Variants in USP43 observed in about 807,000 individuals in gnomAD.
USP43 encodes ubiquitin carboxyl-terminal hydrolase 43.
In USP43, 33 loss-of-function variants were observed where a neutral mutation model predicts 90.7. That is an observed-to-expected ratio of 0.36 (90% confidence interval 0.28 to 0.49). The LOEUF is 0.49. Ranked by LOEUF, USP43 falls within the 20% of genes least tolerant of loss-of-function variation. The probability of loss-of-function intolerance (pLI) is 0.98; values close to 1 mark genes in which losing one functional copy is unlikely to be tolerated. For missense variants in USP43, 1,274 were observed against 1,476.4 expected (o/e 0.86, Z 2.25); for synonymous variants, 598 against 615.8 (o/e 0.97, Z 0.43).
intron 14 of USP43, among the ~76,000 whole-genome samples, chr17:9,718,900 ATGTTT>A (rs147763328): frequency 0.049 from 7,414 of 152,000 alleles, 273 homozygotes; most frequent in East Asian, 0.2. Context: ...TTCATGCAGT[ATGTTT>A]TGTTTTGACT....
In USP43 at chr17:9,674,578, C is replaced by T. The variant is rs1913643698; in HGVS notation, c.741-313C>T. Among the ~76,000 whole-genome samples, 1 of 152,150 alleles carries T rather than the reference C, an allele frequency of 6.6e-6. No homozygotes were observed. The highest frequency in any genetic ancestry group is 2.4e-5 in the African/African-American group (1 of 41,420). On this transcript the variant is annotated intron_variant, in intron 3 of 14. Transcript: ENST00000285199. The surrounding 1 kb of genome is among the most constrained non-coding windows in gnomAD (Gnocchi z 4.4). ...TAGCGTGCTGTTTTCAAGGTTCATC[C>T]ACGTTGTAGTATGGACCAGGGGTTC...
intron 12 of USP43, among the ~76,000 whole-genome samples, chr17:9,707,898 C>A (rs990576421): frequency 6.6e-6 from 1 of 152,184 alleles, no homozygotes; most frequent in Admixed American, 6.5e-5. Flanking sequence ...GGACTTCAGT[C>A]TCACTTTGGA....
intron 1 of USP43, among the ~76,000 whole-genome samples, chr17:9,654,462 C>T (rs1371140047): frequency 6.6e-6 from 1 of 151,926 alleles, no homozygotes; most frequent in East Asian, 2.0e-4. Flanking sequence ...TCAGCCTGGA[C>T]AACATGGTGA....
intron 6 of USP43, among the ~76,000 whole-genome samples, chr17:9,682,466 A>G (rs1365240191): frequency 6.6e-6 from 1 of 152,160 alleles, no homozygotes; most frequent in Non-Finnish European, 1.5e-5. Context: ...GCTACTGGAG[A>G]GGCTGAGACA....
intron 7 of USP43, among the ~76,000 whole-genome samples, chr17:9,684,983 G>A (rs1914517329): frequency 6.6e-6 from 1 of 152,110 alleles, no homozygotes; most frequent in Non-Finnish European, 1.5e-5. Context: ...TCTACTTCTG[G>A]AACTTTACCC....
At chr17:9,672,449 C>A (rs147794979) in intron 3 of USP43, among the ~76,000 whole-genome samples, 121 of 152,264 alleles carry the variant, frequency 7.9e-4, no homozygotes, top group African/African-American at 2.7e-3. Flanking sequence ...AAAAATGCAA[C>A]CCAGCATAGT....
At position 9,654,841 on chromosome 17, in the gene USP43, G is replaced by A. The variant is rs528366775; in HGVS notation, c.505-1562G>A. On this transcript the variant is annotated intron_variant, in intron 1 of 14. Coordinates refer to ENST00000285199, the MANE Select transcript of USP43 (RefSeq NM_153210.5). The stretch of plus-strand genomic sequence containing the variant: ...CAACCTCTACCTCCCGGGTTCAAGC[G>A]ATTCTCCTGCCTCAGTCTCCCAAGT... 4.0e-5 allele frequency among the ~76,000 whole-genome samples: 6 copies of A among 151,592 alleles called. 1 individual carries two copies. In the South Asian group the frequency reaches 6.3e-4, roughly 16 times the overall value.
chr17:9,696,322 C>T (rs536596152), intron 9 of USP43, among the ~76,000 whole-genome samples: 24 of 152,072 alleles, frequency 1.6e-4, no homozygotes, highest in African/African-American at 4.8e-4. Context: ...TTAGTATAAA[C>T]GGGGTTTCAC....
At chr17:9,704,746 AC>A (rs1166665280) in intron 12 of USP43, among the ~76,000 whole-genome samples, 1 of 148,270 alleles carries the variant, frequency 6.7e-6, no homozygotes, top group Non-Finnish European at 1.5e-5. Flanking sequence ...CCCTCTTCCT[AC>A]CCCCTGCAAC....
intron 14 of USP43, 137 bp from the exon 15 acceptor site, chr17:9,727,817 T>C: frequency 3.2e-6 from 3 of 930,742 alleles, no homozygotes; most frequent in South Asian, 3.6e-5. Context: ...GCAGGAACCC[T>C]ATGTGGCTTC....
chr17:9,721,754 G>A (rs558091507), intron 14 of USP43, among the ~76,000 whole-genome samples: 8 of 133,314 alleles, frequency 6.0e-5, no homozygotes, highest in East Asian at 2.3e-4. Context: ...ACCGAGTTTC[G>A]CTCTTGTTGC....
intron 13 of USP43, among the ~76,000 whole-genome samples, chr17:9,711,515 G>A (rs531567418): frequency 1.7e-4 from 26 of 152,006 alleles, no homozygotes; most frequent in East Asian, 1.4e-3. Context: ...TGCAACCTCC[G>A]CCTCCCAGGT....
chr17:9,706,782 T>C (rs1915908253), intron 12 of USP43, among the ~76,000 whole-genome samples: 1 of 151,854 alleles, frequency 6.6e-6, no homozygotes, highest in Admixed American at 6.6e-5. Context: ...TAGCTGGGAC[T>C]ACAGGCGGGT....
intron 2 of USP43, among the ~76,000 whole-genome samples, chr17:9,662,664 G>A (rs1912728102): frequency 6.6e-6 from 1 of 152,034 alleles, no homozygotes; most frequent in African/African-American, 2.4e-5. Context: ...TTCTTCATCT[G>A]GGAGTCAGTA....
chr17:9,650,995 C>T (rs1298065163), intron 1 of USP43, among the ~76,000 whole-genome samples: 1 of 152,080 alleles, frequency 6.6e-6, no homozygotes, highest in Non-Finnish European at 1.5e-5. Flanking sequence ...TACCCTTCCC[C>T]TCGAGTCACC....
In USP43 at chr17:9,674,226, T is replaced by C. The variant is rs763729807; in HGVS notation, c.741-665T>C. Among the ~76,000 whole-genome samples, 1 of 152,142 alleles carries C rather than the reference T, an allele frequency of 6.6e-6. No individual in the cohort carries two copies. The highest frequency in any genetic ancestry group is 1.5e-5 in the Non-Finnish European group (1 of 68,042). On this transcript the variant is annotated intron_variant, in intron 3 of 14. Coordinates refer to ENST00000285199, the MANE Select transcript of USP43 (RefSeq NM_153210.5). This position sits in a 1 kb window ranked among gnomAD's most constrained non-coding sequence, Gnocchi z 4.4. ...TTATAGCTTCCCTTCCCATACTCAG[T>C]GCATTTATGTGTGTCACTAAACATT...
At chr17:9,653,339 G>A (rs1027149918) in intron 1 of USP43, among the ~76,000 whole-genome samples, 10 of 150,736 alleles carry the variant, frequency 6.6e-5, no homozygotes, top group East Asian at 4.1e-4. Flanking sequence ...TGTAATCCCA[G>A]CACTTTGGGA....
chr17:9,707,939 G>A (rs753786027), intron 12 of USP43, among the ~76,000 whole-genome samples: 2 of 152,180 alleles, frequency 1.3e-5, no homozygotes, highest in Non-Finnish European at 2.9e-5. Context: ...TATCATTTTA[G>A]CACTTTCACT....
rs1294934064 is a variant in USP43, at chr17:9,682,952, C to T, written c.1235C>T (p.Ala412Val). The change falls in exon 7 of 15, where the codon GCT becomes GTT. Residue 412 changes from alanine (A) to valine (V), a missense_variant. By Grantham distance (64) the Ala-to-Val change is moderately conservative. This residue lies in a region of USP43 where 253 missense variants were observed against 276.0 expected (regional missense o/e 0.92). Transcript: ENST00000285199. ...AACTTGGTGGGGTCAGGGCAGCAGG[C>T]TAGCAGGTATGTTTCACTTTATTCT... is the stretch of plus-strand genomic sequence containing the variant. ...FCNLVGSGQQ[A>V]SRFGPPFLIR... is the part of the protein sequence containing the mutation. The T allele has an allele frequency of 6.2e-7, 1 of 1,613,338 alleles. No homozygotes were observed. Among genetic ancestry groups the T allele is most frequent in the Admixed American group, 1.7e-5 (1 of 59,986 alleles).
Sources: allele counts gnomAD v4.1 joint callset (sites outside exome capture counted in the v4.1 genomes callset), GRCh38; gene constraint gnomAD v4.1.1; regional missense constraint gnomAD v4.1.1; non-coding constraint Gnocchi (gnomAD v3.1); transcripts MANE v1.5; gene names NCBI Gene and HGNC (gene_info 2026-07-23, HGNC 2026-07-21).